Variants in CHSY3 observed in about 807,000 individuals in gnomAD.
CHSY3 encodes N-acetylgalactosaminyl-proteoglycan 3-beta-glucuronosyltransferase 3.
CHSY3 carries 35 observed loss-of-function variants against 67.2 expected under a neutral mutation model. The ratio of observed to expected loss-of-function variants is 0.52; its 90% CI spans 0.40 to 0.69. The LOEUF (loss-of-function observed/expected upper bound fraction) is 0.69, where lower values mean the gene tolerates loss of function less well. Ranked by LOEUF, CHSY3 falls within the 30% of genes least tolerant of loss-of-function variation. The pLI is 0.00. For synonymous variants in CHSY3, 474 were observed against 434.7 expected (o/e 1.09, Z -1.12); for missense variants, 1,069 against 1,138.5 (o/e 0.94, Z 0.88).
In CHSY3 at chr5:130,151,653, C is replaced by T. The variant is rs537687559; in HGVS notation, c.1087-32576C>T. ...GTCATGGAAGAAGGAGAAGCAAACA[C>T]GTCCTCCTTCACATGGTGGCACGAA... On this transcript the variant is annotated intron_variant, in intron 2 of 2. Transcript: ENST00000305031. 6.6e-5 allele frequency among the ~76,000 whole-genome samples: 10 copies of T among 152,264 alleles called. No individual in the cohort carries two copies. The East Asian group carries it at 9.7e-4, about 15-fold the overall frequency.
chr5:130,178,251 A>ATTTT lies in CHSY3; in HGVS notation c.1087-5977_1087-5976insTTTT, dbSNP rs1298647034. 2.5e-3 allele frequency among the ~76,000 whole-genome samples: 158 copies of ATTTT among 62,724 alleles called. 1 individual carries two copies. The highest frequency in any genetic ancestry group is 0.01 in the Middle Eastern group (1 of 98). 41.1% of individuals were successfully genotyped at this position (62,724 alleles called of 152,430 possible). On this transcript the variant is annotated intron_variant, in intron 2 of 2. Transcript: ENST00000305031. ...TTTATATATATATATATATATATATATATTTTTTTTTTTTTTTTTCCTGAG... is the reference window on the plus strand; with the variant it reads ...TTTATATATATATATATATATATATATTTTTATTTTTTTTTTTTTTTTTCCTGAG...
intron 2 of CHSY3, among the ~76,000 whole-genome samples, chr5:129,970,107 C>A (rs1183413377): frequency 5.3e-5 from 8 of 151,820 alleles, no homozygotes; most frequent in Admixed American, 4.6e-4. Flanking sequence ...ATCAGCCTTG[C>A]CTTACTACTA....
Position 130,185,432 on chromosome 5 carries a change from G to A in CHSY3, c.2290G>A (p.Asp764Asn). Reference protein sequence around the residue: ...VTNGGNPPTDDYFIFSKKTGF... With the variant: ...VTNGGNPPTDNYFIFSKKTGF... The stretch of plus-strand genomic sequence containing the variant: ...AAACGGGGGAAATCCTCCCACTGAT[G>A]ATTACTTCATATTCTCAAAAAAGAC... Residue 764 changes from aspartate to asparagine, a missense_variant, in exon 3 of 3, where the codon GAT (aspartate) becomes AAT (asparagine). By Grantham distance (23) the Asp-to-Asn change is conservative (BLOSUM62 1). Coordinates refer to ENST00000305031, the MANE Select transcript of CHSY3 (RefSeq NM_175856.5). The A allele has an allele frequency of 6.2e-7, 1 of 1,613,840 alleles. No individual in the cohort carries two copies. The highest frequency in any genetic ancestry group is 8.5e-7 in the Non-Finnish European group (1 of 1,179,782).
At chr5:130,000,732 CTTTTTTTTTT>C (rs71000946) in intron 2 of CHSY3, among the ~76,000 whole-genome samples, 7 of 76,454 alleles carry the variant, frequency 9.2e-5, no homozygotes, top group African/African-American at 3.1e-4. Context: ...AACTTTTCTT[CTTTTTTTTTT>C]TTTTTTTTTT....
chr5:129,936,978 C>T (rs546709059), intron 2 of CHSY3, among the ~76,000 whole-genome samples: 1 of 152,262 alleles, frequency 6.6e-6, no homozygotes, highest in African/African-American at 2.4e-5. Context: ...ACCAAGTCTT[C>T]CTCTTTTCCC....
intron 2 of CHSY3, among the ~76,000 whole-genome samples, chr5:130,051,919 C>T (rs1459856434): frequency 2.8e-5 from 4 of 145,304 alleles, no homozygotes; most frequent in Non-Finnish European, 6.0e-5. Flanking sequence ...TTGGGAATGA[C>T]AACTGTGTGC....
intron 2 of CHSY3, among the ~76,000 whole-genome samples, chr5:130,089,141 A>C (rs993821025): frequency 6.9e-6 from 1 of 145,740 alleles, no homozygotes; most frequent in Non-Finnish European, 1.5e-5. Context: ...CAAACACTGC[A>C]TGTTCTCACT....
chr5:130,015,335 GTA>G (rs1270859404), intron 2 of CHSY3, among the ~76,000 whole-genome samples: 2 of 152,038 alleles, frequency 1.3e-5, no homozygotes, highest in Non-Finnish European at 2.9e-5. Context: ...CCAGTATCAG[GTA>G]TATCTTCACA....
chr5:130,113,492 G>A (rs1405905315), intron 2 of CHSY3, among the ~76,000 whole-genome samples: 1 of 152,146 alleles, frequency 6.6e-6, no homozygotes. Flanking sequence ...TTCAAAAATT[G>A]TGTTTGTGTT....
intron 2 of CHSY3, among the ~76,000 whole-genome samples, chr5:130,073,078 A>G (rs886487049): frequency 6.6e-6 from 1 of 152,142 alleles, no homozygotes; most frequent in African/African-American, 2.4e-5. Context: ...TTAGTGATCT[A>G]TTGCACTTCC....
At chr5:130,176,102 G>T (rs1770040867) in intron 2 of CHSY3, among the ~76,000 whole-genome samples, 1 of 151,962 alleles carries the variant, frequency 6.6e-6, no homozygotes, top group Non-Finnish European at 1.5e-5. Flanking sequence ...AATCTATCCA[G>T]CTGACAAAGG....
chr5:130,143,498 T>C (rs944505143), intron 2 of CHSY3, among the ~76,000 whole-genome samples: 3 of 151,808 alleles, frequency 2.0e-5, no homozygotes, highest in African/African-American at 7.3e-5. Context: ...CAGAGTCATC[T>C]GTGTTGTTGC....
intron 2 of CHSY3, among the ~76,000 whole-genome samples, chr5:130,091,145 C>CAA (rs561883679): frequency 1.3e-3 from 87 of 66,254 alleles, no homozygotes; most frequent in African/African-American, 4.7e-3. Context: ...CGCACACGCG[C>CAA]GCACACACAC....
chr5:130,002,161 T>C (rs1763744891), intron 2 of CHSY3: 2 of 658,914 alleles, frequency 3.0e-6, no homozygotes, highest in Non-Finnish European at 3.8e-6. Context: ...GTTTCCACCT[T>C]GTATGCCATA....
chr5:130,078,190 G>A (rs1056122541), intron 2 of CHSY3, among the ~76,000 whole-genome samples: 1 of 152,024 alleles, frequency 6.6e-6, no homozygotes, highest in African/African-American at 2.4e-5. Context: ...ATGTTGGGGG[G>A]CCATCCGTAC....
chr5:130,132,176 T>G (rs1768504003), intron 2 of CHSY3, among the ~76,000 whole-genome samples: 1 of 152,226 alleles, frequency 6.6e-6, no homozygotes, highest in South Asian at 2.1e-4. Context: ...ATATTTACTC[T>G]TGTAAACCCA....
chr5:129,937,413 A>C (rs984425920), intron 2 of CHSY3, among the ~76,000 whole-genome samples: 2 of 152,178 alleles, frequency 1.3e-5, no homozygotes, highest in Non-Finnish European at 2.9e-5. Context: ...CCCCTCCTCC[A>C]ACACTGGAAA....
chr5:130,000,891 T>C (rs931929379), intron 2 of CHSY3, among the ~76,000 whole-genome samples: 9 of 149,214 alleles, frequency 6.0e-5, no homozygotes, highest in Non-Finnish European at 6.0e-5. Context: ...TCTTCTTTTT[T>C]TTTTTTTTTT....
Position 129,905,127 on chromosome 5 carries a change from A to T in CHSY3, c.298A>T (p.Ser100Cys). ...EAAPGITSFR[S>C]SPWQQPPPLQ... The stretch of plus-strand genomic sequence containing the variant: ...AGCACCCGGGATCACCAGTTTTCGA[A>T]GCAGCCCCTGGCAGCAGCCACCTCC... Residue 100 changes from serine (S) to cysteine (C), a missense_variant, in exon 1 of 3, where the codon AGC becomes TGC. Ser to Cys is a moderately radical substitution (Grantham distance 112). Coordinates refer to ENST00000305031, the MANE Select transcript of CHSY3 (RefSeq NM_175856.5). 1.3e-6 allele frequency: 2 copies of T among 1,536,994 alleles called. No individual in the cohort carries two copies. Among genetic ancestry groups the T allele is most frequent in the East Asian group, 2.4e-5 (1 of 40,866 alleles).
Sources: allele counts gnomAD v4.1 joint callset (sites outside exome capture counted in the v4.1 genomes callset), GRCh38; gene constraint gnomAD v4.1.1; transcripts MANE v1.5; gene names NCBI Gene and HGNC (gene_info 2026-07-23, HGNC 2026-07-21).